Variants in ADK observed in about 807,000 individuals in gnomAD.
The protein encoded by ADK is N6,N6-dimethyladenosine kinase.
Under a neutral mutation model 44.7 loss-of-function variants are expected in ADK, and 24 were observed. The observed-to-expected ratio is 0.54, with a 90% confidence interval of 0.39 to 0.76. The LOEUF is 0.76. Among genes scored for constraint, ADK ranks in the 30% least tolerant of loss-of-function variants. The probability of loss-of-function intolerance (pLI) is 0.00; values close to 1 mark genes in which losing one functional copy is unlikely to be tolerated. For missense variants in ADK, 321 were observed against 425.1 expected (o/e 0.76, Z 2.15); for synonymous variants, 128 against 142.6 (o/e 0.90, Z 0.73).
intron 10 of ADK, among the ~76,000 whole-genome samples, chr10:74,671,948 C>T (rs1374287319): frequency 6.6e-6 from 1 of 152,094 alleles, no homozygotes; most frequent in Non-Finnish European, 1.5e-5. Flanking sequence ...TGTAATGCTA[C>T]CGATACTAGG....
At chr10:74,403,351 A>G (rs1426324914) in intron 6 of ADK, among the ~76,000 whole-genome samples, 1 of 152,182 alleles carries the variant, frequency 6.6e-6, no homozygotes, top group Non-Finnish European at 1.5e-5. Flanking sequence ...GATGGAGTCT[A>G]CAGAGGCAGG....
intron 4 of ADK, among the ~76,000 whole-genome samples, chr10:74,379,676 G>A (rs564033547): frequency 6.6e-6 from 1 of 152,202 alleles, no homozygotes; most frequent in South Asian, 2.1e-4. Context: ...TAACCGTAAG[G>A]TCACTCTTTA....
chr10:74,689,371 T>C (rs1855903862), intron 10 of ADK, among the ~76,000 whole-genome samples: 1 of 152,152 alleles, frequency 6.6e-6, no homozygotes, highest in Admixed American at 6.5e-5. Flanking sequence ...ATAGTACAGA[T>C]ACAAAAAATT....
At chr10:74,299,842 G>A (rs1259743214) in intron 3 of ADK, among the ~76,000 whole-genome samples, 1 of 151,964 alleles carries the variant, frequency 6.6e-6, no homozygotes, top group African/African-American at 2.4e-5. Context: ...AGTTCTGTAA[G>A]TTTTTATCAG....
At chr10:74,499,653 A>T (rs1470344519) in intron 6 of ADK, among the ~76,000 whole-genome samples, 2 of 151,840 alleles carry the variant, frequency 1.3e-5, no homozygotes, top group Non-Finnish European at 2.9e-5. Flanking sequence ...GCGCCACTGC[A>T]CTCCAGCCTG....
Position 74,261,757 on chromosome 10 carries a change from AT to A in ADK, c.194+37173del, listed in dbSNP as rs746132537. ...ATTGCTGATTCTTTATATGTGACCT[AT>A]TTTTTTCTCTTTGGACATTCTTAGA... On this transcript the variant is annotated intron_variant, in intron 3 of 10. Coordinates refer to ENST00000539909, the MANE Select transcript of ADK (RefSeq NM_006721.4). Among the ~76,000 whole-genome samples the A allele has an allele frequency of 1.9e-3, 283 of 150,170 alleles. 2 individuals are homozygous for A. The highest frequency in any genetic ancestry group is 2.9e-3 in the Non-Finnish European group (193 of 67,610).
At chr10:74,278,746 C>T (rs1591976500) in intron 3 of ADK, among the ~76,000 whole-genome samples, 2 of 152,254 alleles carry the variant, frequency 1.3e-5, no homozygotes, top group Admixed American at 1.3e-4. Context: ...GATGATAGCA[C>T]ACTACATCCT....
At chr10:74,638,887 C>A (rs966561077) in intron 9 of ADK, among the ~76,000 whole-genome samples, 2 of 152,018 alleles carry the variant, frequency 1.3e-5, no homozygotes, top group Non-Finnish European at 2.9e-5. Flanking sequence ...TCACTGCAAC[C>A]CCTTCTTCCT....
intron 3 of ADK, among the ~76,000 whole-genome samples, chr10:74,243,110 A>G (rs1372543135): frequency 1.3e-5 from 2 of 152,208 alleles, no homozygotes; most frequent in African/African-American, 4.8e-5. Flanking sequence ...GTGGTAAGGG[A>G]CCAACTGAGC....
chr10:74,327,790 T>G lies in ADK; in HGVS notation c.273+13045T>G, dbSNP rs183469331. Among the ~76,000 whole-genome samples the G allele has an allele frequency of 1.3e-4, 20 of 152,330 alleles. No homozygotes were observed. In the East Asian group the frequency reaches 2.5e-3, roughly 19 times the overall value. ...CTATGATTGTTTTGTACTCTATCTT[T>G]CCCTTTAGATTTATTGATATTTGCT... is the stretch of plus-strand genomic sequence containing the variant. On this transcript the variant is annotated intron_variant, in intron 4 of 10. Coordinates refer to ENST00000539909, the MANE Select transcript of ADK (RefSeq NM_006721.4).
chr10:74,315,808 A>C (rs151124778), intron 4 of ADK, among the ~76,000 whole-genome samples: 2 of 152,342 alleles, frequency 1.3e-5, no homozygotes, highest in East Asian at 3.8e-4. Flanking sequence ...TAGTTTTCAA[A>C]TATTTTGTAA....
At chr10:74,375,141 A>G (rs985865650) in intron 4 of ADK, among the ~76,000 whole-genome samples, 1 of 152,166 alleles carries the variant, frequency 6.6e-6, no homozygotes, top group African/African-American at 2.4e-5. Flanking sequence ...CACTTTCTGC[A>G]TATAAATCTT....
chr10:74,517,851 A>G (rs1223691871), intron 6 of ADK, among the ~76,000 whole-genome samples: 3 of 152,034 alleles, frequency 2.0e-5, no homozygotes, highest in Non-Finnish European at 4.4e-5. Context: ...TCACAAGTAT[A>G]TTTGTTCTAG....
chr10:74,336,378 A>G (rs936419683), intron 4 of ADK, among the ~76,000 whole-genome samples: 9 of 152,170 alleles, frequency 5.9e-5, no homozygotes, highest in East Asian at 1.9e-4. Flanking sequence ...TCATTGATCT[A>G]TATGTCTCTT....
At chr10:74,419,526 T>C (rs1374575614) in intron 6 of ADK, among the ~76,000 whole-genome samples, 1 of 152,170 alleles carries the variant, frequency 6.6e-6, no homozygotes, top group Non-Finnish European at 1.5e-5. Flanking sequence ...CCAAGCACAT[T>C]CTATCTGACA....
chr10:74,587,137 T>G (rs995136876), intron 7 of ADK, among the ~76,000 whole-genome samples: 1 of 152,150 alleles, frequency 6.6e-6, no homozygotes, highest in African/African-American at 2.4e-5. Context: ...TATAGCTTTT[T>G]TGTTGTCTTT....
At chr10:74,599,219 G>A (rs2133960152) in intron 8 of ADK, among the ~76,000 whole-genome samples, 1 of 152,292 alleles carries the variant, frequency 6.6e-6, no homozygotes, top group African/African-American at 2.4e-5. Flanking sequence ...CTGTCCTCTA[G>A]AAGTCATCCT....
chr10:74,199,518 T>C (rs960479469), intron 1 of ADK, among the ~76,000 whole-genome samples: 1 of 152,138 alleles, frequency 6.6e-6, no homozygotes, highest in Non-Finnish European at 1.5e-5. Context: ...GGACATGATT[T>C]CGTTCTTTTT....
chr10:74,348,684 C>G (rs1388508242), intron 4 of ADK, among the ~76,000 whole-genome samples: 2 of 151,624 alleles, frequency 1.3e-5, no homozygotes, highest in Non-Finnish European at 2.9e-5. Context: ...ATAGGAACTG[C>G]TAACTAGAAT....
Sources: allele counts gnomAD v4.1 joint callset (sites outside exome capture counted in the v4.1 genomes callset), GRCh38; gene constraint gnomAD v4.1.1; transcripts MANE v1.5; gene names NCBI Gene and HGNC (gene_info 2026-07-23, HGNC 2026-07-21).